PCDH9: variants seen among roughly 807,000 people sequenced by gnomAD.
The protein encoded by PCDH9 is protocadherin-9.
Under a neutral mutation model 70.6 loss-of-function variants are expected in PCDH9, and 24 were observed. The observed-to-expected ratio is 0.34, with a 90% confidence interval of 0.25 to 0.48. The LOEUF (loss-of-function observed/expected upper bound fraction) is 0.48, where lower values mean the gene tolerates loss of function less well. PCDH9 is among the 20% of genes least tolerant of loss of function. The pLI is 0.99. For synonymous variants in PCDH9, 562 were observed against 558.5 expected, an observed-to-expected ratio of 1.01 and a Z score of -0.09; for missense variants, 1,281 against 1,503.6, an observed-to-expected ratio of 0.85 and a Z score of 2.45.
At chr13:66,847,407 T>C (rs139594247) in intron 3 of PCDH9, among the ~76,000 whole-genome samples, 21 of 152,296 alleles carry the variant, frequency 1.4e-4, no homozygotes, top group African/African-American at 5.1e-4. Context: ...TGCCTGAAAC[T>C]GCAGGGGTTT....
At chr13:66,323,974 A>T (rs941330167) in intron 4 of PCDH9, among the ~76,000 whole-genome samples, 2 of 152,034 alleles carry the variant, frequency 1.3e-5, no homozygotes, top group Non-Finnish European at 2.9e-5. Context: ...CAGCAAATAC[A>T]ATTGAAGTTG....
chr13:66,594,852 T>C lies in PCDH9; in HGVS notation c.3340+36358A>G, dbSNP rs181371310. Among the ~76,000 whole-genome samples, 1,087 of 151,812 alleles carry C rather than the reference T, an allele frequency of 7.2e-3. 11 individuals are homozygous for C. The highest frequency in any genetic ancestry group is 0.016 in the Admixed American group (246 of 15,176). ...AATCTTGTTCCTTTTTATGGCTGCA[T>C]AGTATTCCACAGTGTTGATTAAATA... On this transcript the variant is annotated intron_variant, in intron 4 of 4. Coordinates refer to ENST00000377865, the MANE Select transcript of PCDH9 (RefSeq NM_203487.3).
chr13:67,169,333 G>T (rs1163049563), intron 2 of PCDH9, among the ~76,000 whole-genome samples: 1 of 151,934 alleles, frequency 6.6e-6, no homozygotes, highest in Non-Finnish European at 1.5e-5. Flanking sequence ...TGCTCATTAT[G>T]GTGTTCATAT....
chr13:67,142,946 T>C (rs1433151167), intron 2 of PCDH9, among the ~76,000 whole-genome samples: 2 of 151,408 alleles, frequency 1.3e-5, no homozygotes, highest in African/African-American at 4.9e-5. Flanking sequence ...GAGGCGGAGG[T>C]TGCAGTGAGC....
intron 4 of PCDH9, among the ~76,000 whole-genome samples, chr13:66,386,038 TA>T (rs1304773764): frequency 6.6e-6 from 1 of 151,270 alleles, no homozygotes; most frequent in Non-Finnish European, 1.5e-5. Flanking sequence ...TTAGCTAGAG[TA>T]AAAAATGTTG....
chr13:66,998,094 G>T (rs1294660871), intron 2 of PCDH9, among the ~76,000 whole-genome samples: 1 of 152,114 alleles, frequency 6.6e-6, no homozygotes, highest in Admixed American at 6.5e-5. Context: ...TTTATATGAA[G>T]AATTATCTAA....
At chr13:66,549,884 G>A (rs1309642657) in intron 4 of PCDH9, among the ~76,000 whole-genome samples, 1 of 151,988 alleles carries the variant, frequency 6.6e-6, no homozygotes, top group Non-Finnish European at 1.5e-5. Context: ...TAATAGATGA[G>A]TCTGTAAGAA....
rs1955399414 is a variant in PCDH9 at position 66,303,187 on chromosome 13, A to C, written c.*1468T>G. 6.6e-6 allele frequency: 1 copy of C among 152,250 alleles called. No individual in the cohort carries two copies. Among genetic ancestry groups the C allele is most frequent in the Non-Finnish European group, 1.5e-5 (1 of 67,910 alleles). The allele number at this position is 152,250 out of a possible 1,614,324, so 9.4% of individuals were successfully genotyped here. On this transcript the variant is annotated 3_prime_UTR_variant, in exon 5 of 5. Coordinates refer to ENST00000377865, the MANE Select transcript of PCDH9 (RefSeq NM_203487.3). ...AAGATAACTTCCACTTCTTTCAATA[A>C]AGACATTTTGTTGCATGCTATTTAT...
At chr13:66,944,549 T>C (rs563121984) in intron 2 of PCDH9, among the ~76,000 whole-genome samples, 1 of 152,274 alleles carries the variant, frequency 6.6e-6, no homozygotes, top group East Asian at 1.9e-4. Flanking sequence ...ATTATCTGAG[T>C]GTAGAGTTTG....
chr13:66,672,684 C>A (rs993758948), intron 3 of PCDH9, among the ~76,000 whole-genome samples: 1 of 152,294 alleles, frequency 6.6e-6, no homozygotes, highest in South Asian at 2.1e-4. Flanking sequence ...AAGCCACAGG[C>A]GCAGAGCTGC....
At chr13:67,028,431 G>C (rs1022511146) in intron 2 of PCDH9, among the ~76,000 whole-genome samples, 1 of 102,886 alleles carries the variant, frequency 9.7e-6, no homozygotes, top group Non-Finnish European at 1.8e-5. Flanking sequence ...GGTGGGGGGA[G>C]GGGGGAGGGA....
chr13:66,522,657 A>G (rs1960049814), intron 4 of PCDH9, among the ~76,000 whole-genome samples: 1 of 152,022 alleles, frequency 6.6e-6, no homozygotes, highest in African/African-American at 2.4e-5. Context: ...TCCTAGGGAA[A>G]GGACACACAG....
intron 3 of PCDH9, among the ~76,000 whole-genome samples, chr13:66,839,212 T>G (rs886065719): frequency 2.0e-5 from 3 of 152,088 alleles, no homozygotes; most frequent in Non-Finnish European, 4.4e-5. Context: ...CACTTTGTAT[T>G]TTTTAGGTCC....
At chr13:67,081,472 G>A (rs1465558917) in intron 2 of PCDH9, among the ~76,000 whole-genome samples, 2 of 152,140 alleles carry the variant, frequency 1.3e-5, no homozygotes, top group African/African-American at 4.8e-5. Context: ...GGAGGCTGAG[G>A]CAGGAGAATT....
chr13:67,080,866 T>C, intron 2 of PCDH9, among the ~76,000 whole-genome samples: 1 of 152,208 alleles, frequency 6.6e-6, no homozygotes, highest in South Asian at 2.1e-4. Context: ...GTATTACCTA[T>C]GATAACATGT....
chr13:66,575,121 C>T (rs564167372), intron 4 of PCDH9, among the ~76,000 whole-genome samples: 81 of 150,570 alleles, frequency 5.4e-4, no homozygotes, highest in African/African-American at 1.9e-3. Context: ...TGTGGTGAGC[C>T]GAGATCTCAC....
intron 2 of PCDH9, among the ~76,000 whole-genome samples, chr13:66,957,655 A>C (rs1305151136): frequency 6.6e-6 from 1 of 152,084 alleles, no homozygotes; most frequent in African/African-American, 2.4e-5. Context: ...TGTCCTTATG[A>C]GAAGAGACAC....
chr13:66,814,805 C>G (rs1364254120), intron 3 of PCDH9, among the ~76,000 whole-genome samples: 2 of 152,060 alleles, frequency 1.3e-5, no homozygotes, highest in Non-Finnish European at 2.9e-5. Flanking sequence ...CTAGAAAACC[C>G]TTGGAAGATA....
intron 2 of PCDH9, among the ~76,000 whole-genome samples, chr13:67,020,372 T>C (rs1424749965): frequency 6.6e-6 from 1 of 152,190 alleles, no homozygotes; most frequent in East Asian, 1.9e-4. Context: ...AGAGTCAAAA[T>C]TATTGAATTC....
Sources: gnomAD v4.1 joint callset for allele counts (sites outside exome capture counted in the v4.1 genomes callset) on GRCh38, gnomAD v4.1.1 for gene constraint, MANE v1.5 for transcripts, NCBI Gene and HGNC (gene_info 2026-07-23, HGNC 2026-07-21) for gene names.